EPB41L2: variants seen among roughly 807,000 people sequenced by gnomAD.
EPB41L2 encodes erythrocyte membrane protein band 4.1 like 2.
A neutral mutation model predicts 113.0 loss-of-function variants in EPB41L2; 43 were observed. That is an observed-to-expected ratio of 0.38 (90% CI 0.30 to 0.49). The LOEUF (loss-of-function observed/expected upper bound fraction) is 0.49, where lower values mean the gene tolerates loss of function less well. EPB41L2 is among the 20% of genes least tolerant of loss of function. EPB41L2 has a pLI of 0.95. For synonymous variants in EPB41L2, 442 were observed against 436.7 expected (o/e 1.01, Z -0.15); for missense variants, 1,147 against 1,223.4 (o/e 0.94, Z 0.93).
intron 12 of EPB41L2, chr6:130,880,784 T>C (rs777184954): frequency 2.9e-6 from 1 of 348,558 alleles, no homozygotes; most frequent in Non-Finnish European, 5.1e-6. Flanking sequence ...GGAACAAGAA[T>C]ATGAGAGTGC....
chr6:130,936,619 C>T (rs1274709418), intron 3 of EPB41L2, among the ~76,000 whole-genome samples: 1 of 151,948 alleles, frequency 6.6e-6, no homozygotes, highest in African/African-American at 2.4e-5. Context: ...GAAATTTATC[C>T]AAGGCATACG....
At chr6:130,848,199 T>TCACA (rs66469665) in intron 19 of EPB41L2, among the ~76,000 whole-genome samples, 4,109 of 113,410 alleles carry the variant, frequency 0.036, 99 homozygotes, top group East Asian at 0.077. Context: ...TCTCTCTCTC[T>TCACA]CACACACACA....
At chr6:130,880,115 A>G (rs1317984455) in intron 13 of EPB41L2, 29 bp downstream of exon 13, 1 of 1,552,042 alleles carries the variant, frequency 6.4e-7, no homozygotes, top group Non-Finnish European at 8.9e-7. Flanking sequence ...AGCCATTAGG[A>G]CAGAGTTGTT....
intron 1 of EPB41L2, among the ~76,000 whole-genome samples, chr6:130,994,773 G>C (rs1480118699): frequency 6.6e-6 from 1 of 152,176 alleles, no homozygotes; most frequent in Non-Finnish European, 1.5e-5. Flanking sequence ...GTCAAGCTGG[G>C]AATTGCTTAG....
chr6:131,026,752 A>T (rs1790947460), intron 1 of EPB41L2, among the ~76,000 whole-genome samples: 3 of 152,140 alleles, frequency 2.0e-5, no homozygotes, highest in Admixed American at 6.6e-5. Context: ...TAACAGCTAC[A>T]ACGGAATCCC....
intron 1 of EPB41L2, among the ~76,000 whole-genome samples, chr6:130,956,850 T>C (rs1182514220): frequency 6.6e-6 from 1 of 152,204 alleles, no homozygotes; most frequent in Non-Finnish European, 1.5e-5. Context: ...TCCAAGTTTT[T>C]TAAGAAAAAT....
intron 15 of EPB41L2, chr6:130,867,975 C>CACAT (rs1784438141): frequency 1.3e-5 from 1 of 77,492 alleles, no homozygotes; most frequent in Non-Finnish European, 2.6e-5. Context: ...CACACACACT[C>CACAT]TCTCTCTCTC....
chr6:131,061,379 T>G (rs1158554824), intron 1 of EPB41L2, among the ~76,000 whole-genome samples: 1 of 152,182 alleles, frequency 6.6e-6, no homozygotes, highest in Non-Finnish European at 1.5e-5. Flanking sequence ...AGAATAGATA[T>G]CTGAAGTTTG....
chr6:130,894,805 G>A (rs181021470), intron 9 of EPB41L2, among the ~76,000 whole-genome samples, 162 bp downstream of exon 9: 5 of 151,978 alleles, frequency 3.3e-5, no homozygotes, highest in East Asian at 3.9e-4. Context: ...CAGACCAGAC[G>A]TATATATACT....
intron 14 of EPB41L2, among the ~76,000 whole-genome samples, chr6:130,873,309 T>G (rs1419522740): frequency 3.3e-5 from 5 of 152,196 alleles, no homozygotes; most frequent in Non-Finnish European, 7.3e-5. Context: ...CAAATTTAAC[T>G]TTGCTGTGTC....
At chr6:130,846,913 C>G (rs969366136) in intron 19 of EPB41L2, among the ~76,000 whole-genome samples, 1 of 152,222 alleles carries the variant, frequency 6.6e-6, no homozygotes, top group Non-Finnish European at 1.5e-5. Context: ...TAAATTCAAT[C>G]TTACTCTTAG....
chr6:131,019,171 CCTT>C (rs1788910701), intron 1 of EPB41L2, among the ~76,000 whole-genome samples: 3 of 152,140 alleles, frequency 2.0e-5, no homozygotes, highest in Admixed American at 6.5e-5. Flanking sequence ...TTTATCCAGC[CCTT>C]CTTTCACATC....
intron 1 of EPB41L2, among the ~76,000 whole-genome samples, chr6:130,979,672 A>G (rs1347733356): frequency 2.0e-5 from 3 of 152,188 alleles, no homozygotes; most frequent in African/African-American, 7.2e-5. Context: ...AAAGCTCCCA[A>G]GTTCCTGTGA....
rs545535819 is a variant in EPB41L2 at position 130,959,013 on chromosome 6, C to T, written c.-14-2514G>A. Among the ~76,000 whole-genome samples, 6 of 152,124 alleles carry T rather than the reference C, an allele frequency of 3.9e-5. No homozygotes were observed. In the East Asian group the frequency reaches 7.7e-4, roughly 20 times the overall value. ...TCTGGTTGATCCAGACCTGAGAAGA[C>T]GATGGTCTATATATACTACAGCAGA... On this transcript the variant is annotated intron_variant, in intron 1 of 19. Transcript: ENST00000337057.
intron 1 of EPB41L2, among the ~76,000 whole-genome samples, chr6:131,026,906 G>A (rs1413460401): frequency 6.6e-6 from 1 of 152,028 alleles, no homozygotes; most frequent in Non-Finnish European, 1.5e-5. Context: ...ATTCATCAAT[G>A]TTTCCCAGAC....
chr6:130,842,224 G>T (rs1196630670), intron 19 of EPB41L2, among the ~76,000 whole-genome samples: 1 of 151,964 alleles, frequency 6.6e-6, no homozygotes, highest in African/African-American at 2.4e-5. Flanking sequence ...CAACTTCATT[G>T]TTTTCTACCC....
intron 1 of EPB41L2, among the ~76,000 whole-genome samples, chr6:130,989,763 A>C (rs538496850): frequency 6.6e-6 from 1 of 152,376 alleles, no homozygotes; most frequent in East Asian, 1.9e-4. Flanking sequence ...TGCAAGTTAC[A>C]GTATCTGAAT....
At chr6:130,877,423 T>A (rs1262874344) in intron 14 of EPB41L2, among the ~76,000 whole-genome samples, 1 of 152,152 alleles carries the variant, frequency 6.6e-6, no homozygotes, top group Non-Finnish European at 1.5e-5. Flanking sequence ...GAGGCACAGA[T>A]GTGGATGACA....
At chr6:130,982,673 T>C (rs1462699035) in intron 1 of EPB41L2, among the ~76,000 whole-genome samples, 5 of 152,202 alleles carry the variant, frequency 3.3e-5, no homozygotes, top group Non-Finnish European at 7.3e-5. Context: ...TCAAAAACCA[T>C]TTTTTGTTGG....
Sources: allele counts gnomAD v4.1 joint callset (sites outside exome capture counted in the v4.1 genomes callset), GRCh38; gene constraint gnomAD v4.1.1; transcripts MANE v1.5; gene names NCBI Gene and HGNC (gene_info 2026-07-23, HGNC 2026-07-21).